The following TSEN54 variants were observed in gnomAD, a reference collection of about 807,000 sequenced individuals.
The protein encoded by TSEN54 is tRNA-splicing endonuclease subunit Sen54.
TSEN54 carries 55 observed loss-of-function variants against 61.9 expected under a neutral mutation model. That is an observed-to-expected ratio of 0.89 (90% CI 0.72 to 1.11). The LOEUF (loss-of-function observed/expected upper bound fraction) is 1.11, where lower values mean the gene tolerates loss of function less well. Ranked by LOEUF, TSEN54 falls within the 50% of genes most tolerant of loss-of-function variation. The pLI, the probability that TSEN54 is intolerant of heterozygous loss-of-function variation, is 0.00. For synonymous variants in TSEN54, 304 were observed against 288.7 expected, an observed-to-expected ratio of 1.05 and a Z score of -0.54; for missense variants, 760 against 687.7, an observed-to-expected ratio of 1.11 and a Z score of -1.18.
chr17:75,521,576 G>C, intron 7 of TSEN54, 66 bp downstream of exon 7: 4 of 1,584,978 alleles, frequency 2.5e-6, no homozygotes, highest in South Asian at 1.1e-5. Context: ...AAATGCACAG[G>C]CTTTCTAAGA....
At chr17:75,523,936 GT>G (rs2053465403) in intron 10 of TSEN54, among the ~76,000 whole-genome samples, 157 bp downstream of exon 10, 1 of 152,220 alleles carries the variant, frequency 6.6e-6, no homozygotes, top group Admixed American at 6.5e-5. Context: ...CACACAGCCA[GT>G]TTGTGCTGCC....
chr17:75,522,122 G>C lies in TSEN54; in HGVS notation c.1041G>C (p.Lys347Asn), dbSNP rs9911502. The change falls in exon 8 of 11, where the codon AAG becomes AAC. Residue 347 changes from lysine to asparagine, a missense_variant. Transcript: ENST00000333213. ...WCQKLNQRKE[K>N]LSRREREHHA... ...AGAAGCTGAACCAGCGCAAGGAGAA[G>C]CTCTCCAGGCGGGAACGGGAGCACC... 0.66 allele frequency: 1,030,730 copies of C among 1,572,714 alleles called. 350,494 individuals are homozygous for C. The highest frequency in any genetic ancestry group is 0.7 in the Non-Finnish European group (815,531 of 1,158,408).
chr17:75,517,535 G>A (rs747621383), intron 4 of TSEN54, 22 bp from the exon 5 acceptor site: 1 of 1,604,412 alleles, frequency 6.2e-7, no homozygotes, highest in Non-Finnish European at 8.5e-7. Flanking sequence ...CTCATAAGCT[G>A]AGCTGTTGGC....
At chr17:75,520,577 C>G (rs2053417034) in intron 6 of TSEN54, among the ~76,000 whole-genome samples, 1 of 95,308 alleles carries the variant, frequency 1.0e-5, no homozygotes, top group South Asian at 3.0e-4. Flanking sequence ...AAAAGCGAAA[C>G]TCTATCTCAA....
At position 75,517,259 on chromosome 17, in the gene TSEN54, G is replaced by T; in HGVS notation, c.369+15G>T. 1 of 1,581,812 alleles carries T rather than the reference G, an allele frequency of 6.3e-7. No individual in the cohort carries two copies. ...TTCTGGAGTGTGTAAGTGGGGCCCGGGAGGTGGGGAAGGAGTTGGGACCAA... is the reference window on the plus strand; with the variant it reads ...TTCTGGAGTGTGTAAGTGGGGCCCGTGAGGTGGGGAAGGAGTTGGGACCAA... On this transcript the variant is annotated intron_variant, in intron 4 of 10. Coordinates refer to ENST00000333213, the MANE Select transcript of TSEN54 (RefSeq NM_207346.3).
rs2053434559 is a variant in TSEN54 at position 75,522,090 on chromosome 17, T to C, written c.1009T>C (p.Trp337Arg). 5 of 1,585,114 alleles carry C rather than the reference T, an allele frequency of 3.2e-6. No homozygotes were observed. The South Asian group carries it at 3.4e-5, about 11-fold the overall frequency. The change falls in exon 8 of 11, where the codon TGG (tryptophan) becomes CGG (arginine). Residue 337 changes from tryptophan to arginine, a missense_variant. Physicochemically the swap from Trp to Arg is moderately radical, Grantham distance 101. Coordinates refer to ENST00000333213, the MANE Select transcript of TSEN54 (RefSeq NM_207346.3). Reference protein sequence around the residue: ...VAGRETDAESWCQKLNQRKEK... With the variant: ...VAGRETDAESRCQKLNQRKEK... ...TGGGCGGGAGACAGACGCTGAGTCC[T>C]GGTGCCAGAAGCTGAACCAGCGCAA... is the stretch of plus-strand genomic sequence containing the variant.
In TSEN54 at chr17:75,521,506, C is replaced by T; in HGVS notation, c.619C>T (p.Pro207Ser). 6.2e-7 allele frequency: 1 copy of T among 1,613,970 alleles called. No individual in the cohort carries two copies. The highest frequency in any genetic ancestry group is 8.5e-7 in the Non-Finnish European group (1 of 1,179,916). The part of the protein sequence containing the change: ...DGKRKRSSSS[P>S]RSINKKAKAL... ...CAAGAGAAAGAGGAGCAGCTCCAGC[C>T]CTCGGTAACTCCCACATCACGGTGG... The change falls in exon 7 of 11, where the codon CCT (proline) becomes TCT (serine). Residue 207 changes from proline (P) to serine (S), a missense_variant. Pro to Ser is a moderately conservative substitution (Grantham distance 74, BLOSUM62 -1). Around this residue, in one of 3 missense-constraint regions of TSEN54, gnomAD observed 667 missense variants for 577.8 expected, o/e 1.15. Coordinates refer to ENST00000333213, the MANE Select transcript of TSEN54 (RefSeq NM_207346.3).
chr17:75,522,005 A>C lies in TSEN54; in HGVS notation c.924A>C (p.Ser308=). ...AGATCTCCTTCCCCAACATGGCTTC[A>C]GACAGCCGCCACACCCTTCTGCGCG... ...FEQISFPNMA[S]DSRHTLLRAP... is the part of the protein sequence containing the mutation. Residue 308 remains serine (S), a synonymous_variant, in exon 8 of 11, where the codon TCA becomes TCC. Coordinates refer to ENST00000333213, the MANE Select transcript of TSEN54 (RefSeq NM_207346.3). 6.3e-7 allele frequency: 1 copy of C among 1,592,086 alleles called. No individual in the cohort carries two copies. The highest frequency in any genetic ancestry group is 8.5e-7 in the Non-Finnish European group (1 of 1,170,836).
chr17:75,522,193 A>C lies in TSEN54; in HGVS notation c.1112A>C (p.Glu371Ala). Residue 371 changes from glutamate to alanine, a missense_variant, in exon 8 of 11, where the codon GAG (glutamate) becomes GCG (alanine). Transcript: ENST00000333213. Reference sequence around the variant, plus strand: ...CAGGAAGATGTCAACGCCGATCCCGAGGTGCAGCGGTGCTCCAGCTGGCGG... The same window carrying C: ...CAGGAAGATGTCAACGCCGATCCCGCGGTGCAGCGGTGCTCCAGCTGGCGG... Reference protein sequence around the residue: ...QFQEDVNADPEVQRCSSWREY... With the variant: ...QFQEDVNADPAVQRCSSWREY... The C allele has an allele frequency of 6.5e-7, 1 of 1,548,442 alleles. No individual in the cohort carries two copies. The highest frequency in any genetic ancestry group is 8.7e-7 in the Non-Finnish European group (1 of 1,143,892).
At position 75,522,681 on chromosome 17, in the gene TSEN54, G is replaced by C. The variant is rs115379039; in HGVS notation, c.1252+348G>C. The C allele has an allele frequency of 1.5e-3, 833 of 559,388 alleles. 7 individuals carry two copies. Among genetic ancestry groups the C allele is most frequent in the African/African-American group, 0.014 (755 of 52,788 alleles). 34.7% of individuals were successfully genotyped at this position (559,388 alleles called of 1,614,324 possible). On this transcript the variant is annotated intron_variant, in intron 8 of 10. Transcript: ENST00000333213. The stretch of plus-strand genomic sequence containing the variant: ...TGGCCAAGTGAAAGAAAGGCTTGCT[G>C]TCTGCTCTAAGCCCAGGGAACCAAT...
chr17:75,518,856 A>C, intron 5 of TSEN54, 139 bp from the exon 6 acceptor site: 1 of 1,562,460 alleles, frequency 6.4e-7, no homozygotes, highest in East Asian at 2.3e-5. Flanking sequence ...AGCATGGTCC[A>C]ACCTTAATCA....
chr17:75,516,744 A>G lies in TSEN54; in HGVS notation c.57-2A>G. ...CTGACCCCGCGTCCCCTTCTCCCCC[A>G]GCGCCCGGGAGCTCTTCGCCGCCCG... On this transcript the variant is annotated splice_acceptor_variant, in intron 1 of 10. Coordinates refer to ENST00000333213, the MANE Select transcript of TSEN54 (RefSeq NM_207346.3). LOFTEE classifies it high-confidence loss of function. The G allele has an allele frequency of 1.3e-6, 2 of 1,538,866 alleles. No homozygotes were observed. The highest frequency in any genetic ancestry group is 1.4e-5 in the African/African-American group (1 of 69,732).
Position 75,522,113 on chromosome 17 carries a change from C to T in TSEN54, c.1032C>T (p.Arg344=). ...CCTGGTGCCAGAAGCTGAACCAGCGCAAGGAGAAGCTCTCCAGGCGGGAAC... is the reference window on the plus strand; with the variant it reads ...CCTGGTGCCAGAAGCTGAACCAGCGTAAGGAGAAGCTCTCCAGGCGGGAAC... ...AESWCQKLNQ[R]KEKLSRRERE... Residue 344 remains arginine (R), a synonymous_variant, in exon 8 of 11, where the codon CGC becomes CGT. Coordinates refer to ENST00000333213, the MANE Select transcript of TSEN54 (RefSeq NM_207346.3). 1 of 1,579,618 alleles carries T rather than the reference C, an allele frequency of 6.3e-7. No homozygotes were observed. The highest frequency in any genetic ancestry group is 8.6e-7 in the Non-Finnish European group (1 of 1,162,658).
intron 6 of TSEN54, among the ~76,000 whole-genome samples, chr17:75,519,691 T>C (rs1230081689): frequency 6.6e-6 from 1 of 152,106 alleles, no homozygotes; most frequent in Non-Finnish European, 1.5e-5. Context: ...GCCTCCCAAG[T>C]AGCTGGGATT....
intron 8 of TSEN54, chr17:75,522,567 T>G: frequency 7.1e-7 from 1 of 1,416,004 alleles, no homozygotes; most frequent in East Asian, 2.5e-5. Flanking sequence ...GACCATATCC[T>G]TAAAAAGATA....
At position 75,522,256 on chromosome 17, in the gene TSEN54, G is replaced by A. The variant is rs540415680; in HGVS notation, c.1175G>A (p.Arg392Lys). The part of the protein sequence containing the change: ...KELLQRRQVQ[R>K]SQRRAPHLWG... Reference sequence around the variant, plus strand: ...CTGCTGCAGCGGCGGCAGGTGCAGAGGAGCCAGCGCCGGGCCCCTCACCTG... The same window carrying A: ...CTGCTGCAGCGGCGGCAGGTGCAGAAGAGCCAGCGCCGGGCCCCTCACCTG... The change falls in exon 8 of 11, where the codon AGG becomes AAG. Residue 392 changes from arginine to lysine, a missense_variant. This residue lies in a region of TSEN54 where 667 missense variants were observed against 577.8 expected (regional missense o/e 1.15). Coordinates refer to ENST00000333213, the MANE Select transcript of TSEN54 (RefSeq NM_207346.3). 1.9e-6 allele frequency: 3 copies of A among 1,547,452 alleles called. No homozygotes were observed. In the South Asian group the frequency reaches 3.6e-5, roughly 18 times the overall value.
In TSEN54 at chr17:75,522,961, A is replaced by G. The variant is rs544565135; in HGVS notation, c.1253-314A>G. On this transcript the variant is annotated intron_variant, in intron 8 of 10. Transcript: ENST00000333213. ...TTTGGGAGGCCGAGGCGGGCAGATC[A>G]CCTGAGGTCAGGAGTTCGAGACCAA... is the stretch of plus-strand genomic sequence containing the variant. The G allele has an allele frequency of 1.3e-5, 5 of 390,518 alleles. No individual in the cohort carries two copies. The East Asian group carries it at 3.0e-4, about 24-fold the overall frequency. 24.2% of individuals were successfully genotyped at this position (390,518 alleles called of 1,614,324 possible). A position where few individuals can be genotyped will look rare whatever the true frequency, so the allele number is the denominator to read the frequency against.
intron 6 of TSEN54, among the ~76,000 whole-genome samples, chr17:75,520,941 C>T (rs1442332871): frequency 7.2e-6 from 1 of 139,300 alleles, no homozygotes; most frequent in Non-Finnish European, 1.5e-5. Context: ...GGTGAGAGAA[C>T]GAGACTGTGT....
At position 75,521,527 on chromosome 17, in the gene TSEN54, G is replaced by A. The variant is rs748640953; in HGVS notation, c.623+17G>A. On this transcript the variant is annotated intron_variant, in intron 7 of 10. Coordinates refer to ENST00000333213, the MANE Select transcript of TSEN54 (RefSeq NM_207346.3). ...CAGCCCTCGGTAACTCCCACATCAC[G>A]GTGGCCCCCCAGGGAGTGCTGGTGT... 1.7e-5 allele frequency: 28 copies of A among 1,611,986 alleles called. No homozygotes were observed. The Admixed American group carries it at 2.2e-4, about 12-fold the overall frequency.
Sources: gnomAD v4.1 joint callset for allele counts (sites outside exome capture counted in the v4.1 genomes callset) on GRCh38, gnomAD v4.1.1 for gene constraint, gnomAD v4.1.1 regional missense constraint, MANE v1.5 for transcripts, NCBI Gene and HGNC (gene_info 2026-07-23, HGNC 2026-07-21) for gene names.